TXNRD1: variants seen among roughly 807,000 people sequenced by gnomAD.
The protein encoded by TXNRD1 is thioredoxin reductase 1, cytoplasmic.
Under a neutral mutation model 80.3 loss-of-function variants are expected in TXNRD1, and 57 were observed. The ratio of observed to expected loss-of-function variants is 0.71; its 90% confidence interval spans 0.57 to 0.89. The LOEUF (loss-of-function observed/expected upper bound fraction) is 0.89. TXNRD1 is among the 40% of genes least tolerant of loss of function. TXNRD1 has a pLI of 0.00. For synonymous variants in TXNRD1, 291 were observed against 285.2 expected, an observed-to-expected ratio of 1.02 and a Z score of -0.20; for missense variants, 730 against 803.0, an observed-to-expected ratio of 0.91 and a Z score of 1.10.
chr12:104,299,767 C>CAAA (rs35918319), intron 4 of TXNRD1, among the ~76,000 whole-genome samples: 10 of 104,812 alleles, frequency 9.5e-5, no homozygotes, highest in African/African-American at 2.3e-4. Flanking sequence ...GACTCCGTCT[C>CAAA]AAAAAAAAAA....
chr12:104,217,695 T>C (rs2032248712), intron 1 of TXNRD1, among the ~76,000 whole-genome samples: 1 of 152,192 alleles, frequency 6.6e-6, no homozygotes, highest in African/African-American at 2.4e-5. Context: ...AACTTTTTCA[T>C]CTTGCAAATC....
intron 6 of TXNRD1, among the ~76,000 whole-genome samples, chr12:104,314,159 G>C (rs1751609927): frequency 6.6e-6 from 1 of 152,166 alleles, no homozygotes; most frequent in South Asian, 2.1e-4. Flanking sequence ...GAGGAAGGCA[G>C]GTGTCACTAT....
At chr12:104,280,194 C>A (rs1043385915) in intron 3 of TXNRD1, 2 of 151,710 alleles carry the variant, frequency 1.3e-5, no homozygotes, top group Non-Finnish European at 1.5e-5. Flanking sequence ...CCTCCATTTC[C>A]TTATTTTCTG....
chr12:104,221,046 T>C (rs940110574), intron 1 of TXNRD1, among the ~76,000 whole-genome samples: 2 of 152,124 alleles, frequency 1.3e-5, no homozygotes, highest in Non-Finnish European at 2.9e-5. Flanking sequence ...GCTGGGAGGA[T>C]TGCTTGACAC....
intron 4 of TXNRD1, chr12:104,309,959 A>G: frequency 6.5e-7 from 1 of 1,534,962 alleles, no homozygotes; most frequent in Non-Finnish European, 8.7e-7. Flanking sequence ...AGGTAGCCAC[A>G]GTGCTGTGCT....
chr12:104,291,479 GC>G (rs1364921774), intron 4 of TXNRD1, among the ~76,000 whole-genome samples: 5 of 122,950 alleles, frequency 4.1e-5, no homozygotes, highest in Non-Finnish European at 8.3e-5. Context: ...ACCGCACCCA[GC>G]TTTTTTTTTT....
chr12:104,316,906 G>C (rs1325408045), intron 7 of TXNRD1, among the ~76,000 whole-genome samples: 1 of 151,968 alleles, frequency 6.6e-6, no homozygotes, highest in Non-Finnish European at 1.5e-5. Flanking sequence ...GGCTTTTTTG[G>C]GGTTTTAATT....
intron 3 of TXNRD1, among the ~76,000 whole-genome samples, chr12:104,273,910 C>T (rs1451727677): frequency 1.3e-5 from 2 of 152,062 alleles, no homozygotes; most frequent in Non-Finnish European, 2.9e-5. Flanking sequence ...TGTAGCCAGG[C>T]GTGGTGGCGG....
At chr12:104,250,344 A>G (rs2033093043) in intron 1 of TXNRD1, among the ~76,000 whole-genome samples, 1 of 152,254 alleles carries the variant, frequency 6.6e-6, no homozygotes, top group Non-Finnish European at 1.5e-5. Flanking sequence ...GGAATAGGCA[A>G]TAGTTTCTTA....
chr12:104,299,189 A>G (rs996659785), intron 4 of TXNRD1, among the ~76,000 whole-genome samples: 1 of 152,158 alleles, frequency 6.6e-6, no homozygotes, highest in Non-Finnish European at 1.5e-5. Context: ...GATCTGTGCA[A>G]TTCAAAGCTG....
At chr12:104,249,526 C>T (rs956998246) in intron 1 of TXNRD1, among the ~76,000 whole-genome samples, 11 of 152,150 alleles carry the variant, frequency 7.2e-5, no homozygotes, top group Non-Finnish European at 1.3e-4. Flanking sequence ...CCTGTCTTGA[C>T]ATTGTATGAT....
intron 3 of TXNRD1, among the ~76,000 whole-genome samples, chr12:104,262,943 C>T (rs150968584): frequency 6.6e-6 from 1 of 152,198 alleles, no homozygotes; most frequent in East Asian, 1.9e-4. Context: ...GTTGTGCTAC[C>T]AGGGGATCCT....
At chr12:104,294,218 C>T (rs2034341224) in intron 4 of TXNRD1, among the ~76,000 whole-genome samples, 1 of 78,028 alleles carries the variant, frequency 1.3e-5, no homozygotes, top group Admixed American at 1.5e-4. Flanking sequence ...CTTCTCTAAA[C>T]TCCCCCGGGG....
intron 4 of TXNRD1, among the ~76,000 whole-genome samples, chr12:104,307,787 T>G (rs2135797083): frequency 6.6e-6 from 1 of 152,294 alleles, no homozygotes. Flanking sequence ...AGTGTTTTAC[T>G]AGGAGTGGGT....
chr12:104,267,241 C>CTCTCTCTT (rs1555209189), intron 3 of TXNRD1, among the ~76,000 whole-genome samples: 3 of 85,750 alleles, frequency 3.5e-5, no homozygotes, highest in African/African-American at 1.5e-4. Context: ...ATTTTCTTTT[C>CTCTCTCTT]TCTTTCTTTC....
intron 3 of TXNRD1, among the ~76,000 whole-genome samples, chr12:104,283,589 G>A (rs1009714921): frequency 2.6e-5 from 4 of 151,906 alleles, no homozygotes; most frequent in African/African-American, 9.7e-5. Context: ...ATGAAATCCA[G>A]GCTGGGTGCA....
At chr12:104,267,351 C>T (rs1055407057) in intron 3 of TXNRD1, among the ~76,000 whole-genome samples, 1 of 146,216 alleles carries the variant, frequency 6.8e-6, no homozygotes, top group African/African-American at 2.5e-5. Flanking sequence ...GATCTTGGCT[C>T]ACTGCAGCCT....
chr12:104,234,166 G>A (rs1321506290), intron 1 of TXNRD1, among the ~76,000 whole-genome samples: 1 of 152,190 alleles, frequency 6.6e-6, no homozygotes, highest in Non-Finnish European at 1.5e-5. Flanking sequence ...AAATATGTAG[G>A]AGTTACAGTT....
In TXNRD1 at chr12:104,258,027, G is replaced by A. The variant is rs370873183; in HGVS notation, c.252G>A (p.Lys84=). 1.6e-4 allele frequency: 245 copies of A among 1,548,168 alleles called. No individual in the cohort carries two copies. In the Admixed American group the frequency reaches 1.8e-3, roughly 11 times the overall value. ...TTTTCAACTTCTTCCAGGTAAAGAA[G>A]TTATTTAAATCTCTGTGTGTTCCTT... is the stretch of plus-strand genomic sequence containing the variant. ...STCTRCTEVK[K]LFKSLCVPYF... is the part of the protein sequence containing the mutation. Residue 84 remains lysine (K), a synonymous_variant, in exon 3 of 17, where the codon AAG becomes AAA. Coordinates refer to ENST00000525566, the MANE Select transcript of TXNRD1 (RefSeq NM_001093771.3).
Sources: allele counts gnomAD v4.1 joint callset (sites outside exome capture counted in the v4.1 genomes callset), GRCh38; gene constraint gnomAD v4.1.1; transcripts MANE v1.5; gene names NCBI Gene and HGNC (gene_info 2026-07-23, HGNC 2026-07-21).